ANO3: variants seen among roughly 807,000 people sequenced by gnomAD.
ANO3 encodes the protein anoctamin-3.
ANO3 carries 99 observed loss-of-function variants against 144.8 expected under a neutral mutation model. The ratio of observed to expected loss-of-function variants is 0.68; its 90% CI spans 0.58 to 0.81. The LOEUF (loss-of-function observed/expected upper bound fraction) is 0.81, where lower values mean the gene tolerates loss of function less well. Among genes scored for constraint, ANO3 ranks in the 30% least tolerant of loss-of-function variants. The pLI is 0.00. For synonymous variants in ANO3, 414 were observed against 392.6 expected (o/e 1.05, Z -0.64); for missense variants, 905 against 1,202.2 (o/e 0.75, Z 3.66).
intron 11 of ANO3, among the ~76,000 whole-genome samples, chr11:26,544,870 T>C (rs995139840): frequency 4.6e-5 from 7 of 151,966 alleles, no homozygotes; most frequent in African/African-American, 1.7e-4. Context: ...GGAGGATTTT[T>C]TTTCTTAAAA....
At chr11:26,514,085 GT>G (rs142484477) in intron 5 of ANO3, among the ~76,000 whole-genome samples, 44 of 146,460 alleles carry the variant, frequency 3.0e-4, no homozygotes, top group East Asian at 4.0e-4. Context: ...TACAGAAAGA[GT>G]TTTTTTTTTT....
At chr11:26,300,572 G>T (rs1854203537) in intron 1 of ANO3, among the ~76,000 whole-genome samples, 1 of 152,268 alleles carries the variant, frequency 6.6e-6, no homozygotes, top group East Asian at 1.9e-4. Context: ...TATAGATGGG[G>T]AGACTAAGGA....
chr11:26,396,615 T>TAA (rs35625364), intron 1 of ANO3, among the ~76,000 whole-genome samples: 141,790 of 152,026 alleles, frequency 0.93, 66,283 homozygotes, highest in East Asian at 1. Flanking sequence ...TATGCATCCA[T>TAA]AAAAAGATGA....
chr11:26,562,096 C>A (rs1850316970), intron 14 of ANO3, among the ~76,000 whole-genome samples: 1 of 151,702 alleles, frequency 6.6e-6, no homozygotes, highest in Admixed American at 6.6e-5. Context: ...TAGATTGTAT[C>A]AATTTTTGAT....
intron 1 of ANO3, among the ~76,000 whole-genome samples, chr11:26,225,530 G>T (rs1852239758): frequency 1.3e-5 from 2 of 148,566 alleles, no homozygotes; most frequent in Admixed American, 1.4e-4. Flanking sequence ...CATCGATTTT[G>T]CAATAACTTT....
chr11:26,494,066 G>T (rs557502406), intron 4 of ANO3, among the ~76,000 whole-genome samples: 1 of 152,042 alleles, frequency 6.6e-6, no homozygotes, highest in East Asian at 1.9e-4. Context: ...ATTACAAAAG[G>T]CATAACCAGC....
chr11:26,288,670 A>G (rs1434411929), intron 1 of ANO3, among the ~76,000 whole-genome samples: 1 of 152,102 alleles, frequency 6.6e-6, no homozygotes, highest in Non-Finnish European at 1.5e-5. Context: ...GAAAACACCT[A>G]AGCAAACCAT....
chr11:26,552,071 G>A (rs1213520890), intron 12 of ANO3, among the ~76,000 whole-genome samples: 2 of 152,004 alleles, frequency 1.3e-5, no homozygotes, highest in African/African-American at 4.8e-5. Flanking sequence ...AGTACCTCTA[G>A]CTAGCTCTAT....
Position 26,218,470 on chromosome 11 carries a change from A to G in ANO3, c.154+29140A>G, listed in dbSNP as rs75355028. On this transcript the variant is annotated intron_variant, in intron 1 of 27. Transcript: ENST00000672621. ...TTTCATCTGTAACACTTACCCTCCC[A>G]GGGTTCTTCTCTGCTTCTTTACTTC... is the stretch of plus-strand genomic sequence containing the variant. Among the ~76,000 whole-genome samples the G allele has an allele frequency of 2.4e-3, 372 of 152,118 alleles. 2 individuals carry two copies. The highest frequency in any genetic ancestry group is 0.014 in the Middle Eastern group (4 of 294).
At chr11:26,341,074 T>C (rs918791962) in intron 1 of ANO3, among the ~76,000 whole-genome samples, 1 of 152,084 alleles carries the variant, frequency 6.6e-6, no homozygotes, top group African/African-American at 2.4e-5. Flanking sequence ...TTCTCTCCCT[T>C]ACCTCCCCTC....
intron 14 of ANO3, 62 bp downstream of exon 14, chr11:26,559,841 C>T: frequency 2.3e-6 from 1 of 426,892 alleles, no homozygotes; most frequent in South Asian, 2.5e-5. Context: ...GTGTTACACA[C>T]ACACACACAC....
chr11:26,595,446 A>G (rs1383087090), intron 14 of ANO3, among the ~76,000 whole-genome samples: 1 of 120,834 alleles, frequency 8.3e-6, no homozygotes, highest in Non-Finnish European at 1.7e-5. Context: ...TTGACTCAGT[A>G]TTGAGATAGA....
intron 4 of ANO3, among the ~76,000 whole-genome samples, chr11:26,483,862 G>A (rs778036651): frequency 2.0e-5 from 3 of 152,172 alleles, no homozygotes; most frequent in Non-Finnish European, 4.4e-5. Flanking sequence ...TACTTGTTAC[G>A]TTGTTGTGAC....
chr11:26,522,624 G>A (rs867192428), intron 6 of ANO3, among the ~76,000 whole-genome samples: 25 of 152,136 alleles, frequency 1.6e-4, no homozygotes, highest in Non-Finnish European at 7.3e-5. Flanking sequence ...AGGTAGAAAA[G>A]GATTTGGCCC....
intron 1 of ANO3, among the ~76,000 whole-genome samples, chr11:26,247,920 C>T (rs1239491031): frequency 6.6e-6 from 1 of 151,274 alleles, no homozygotes. Context: ...TTAGTAGAGA[C>T]GGGGGTTTCA....
intron 3 of ANO3, among the ~76,000 whole-genome samples, chr11:26,460,774 G>A (rs1859366744): frequency 6.6e-6 from 1 of 151,986 alleles, no homozygotes; most frequent in African/African-American, 2.4e-5. Flanking sequence ...AATGAGTAAT[G>A]AACTTCTATA....
At chr11:26,389,057 T>A (rs1350735959) in intron 1 of ANO3, among the ~76,000 whole-genome samples, 1 of 152,168 alleles carries the variant, frequency 6.6e-6, no homozygotes, top group African/African-American at 2.4e-5. Flanking sequence ...TGTTTAGAAG[T>A]AAGTCACACA....
chr11:26,630,479 C>A (rs546837878), intron 18 of ANO3, among the ~76,000 whole-genome samples: 1 of 152,326 alleles, frequency 6.6e-6, no homozygotes, highest in Admixed American at 6.5e-5. Flanking sequence ...AGGATGAAGT[C>A]TATTACTAAA....
intron 1 of ANO3, among the ~76,000 whole-genome samples, chr11:26,229,316 T>C (rs1451639784): frequency 6.6e-6 from 1 of 152,248 alleles, no homozygotes. Context: ...TATAAAGCTT[T>C]GAGTCATAAG....
Sources: gnomAD v4.1 joint callset for allele counts (sites outside exome capture counted in the v4.1 genomes callset) on GRCh38, gnomAD v4.1.1 for gene constraint, MANE v1.5 for transcripts, NCBI Gene and HGNC (gene_info 2026-07-23, HGNC 2026-07-21) for gene names.